Variants in SORCS1 observed in about 807,000 individuals in gnomAD.
SORCS1 encodes the protein sortilin related VPS10 domain containing receptor 1.
Under a neutral mutation model 146.1 loss-of-function variants are expected in SORCS1, and 60 were observed. That is an observed-to-expected ratio of 0.41 (90% CI 0.33 to 0.51). The LOEUF (loss-of-function observed/expected upper bound fraction) is 0.51, where lower values mean the gene tolerates loss of function less well. Ranked by LOEUF, SORCS1 falls within the 20% of genes least tolerant of loss-of-function variation. The pLI is 0.21. For synonymous variants in SORCS1, 637 were observed against 584.0 expected, an observed-to-expected ratio of 1.09 and a Z score of -1.31; for missense variants, 1,352 against 1,487.6, an observed-to-expected ratio of 0.91 and a Z score of 1.50.
intron 3 of SORCS1, among the ~76,000 whole-genome samples, chr10:106,822,916 G>C (rs1243246376): frequency 6.6e-6 from 1 of 150,982 alleles, no homozygotes; most frequent in Admixed American, 6.6e-5. Context: ...AAGTAGCTGG[G>C]ATTACAGGCA....
chr10:106,814,161 A>C (rs1356626951), intron 3 of SORCS1, among the ~76,000 whole-genome samples: 1 of 152,222 alleles, frequency 6.6e-6, no homozygotes, highest in African/African-American at 2.4e-5. Flanking sequence ...TGAAAGCATC[A>C]AGCTTATCCT....
At chr10:107,105,359 G>A (rs1965233843) in intron 1 of SORCS1, among the ~76,000 whole-genome samples, 1 of 152,198 alleles carries the variant, frequency 6.6e-6, no homozygotes, top group African/African-American at 2.4e-5. Flanking sequence ...TAATAGGATA[G>A]ATGTATATAT....
intron 2 of SORCS1, among the ~76,000 whole-genome samples, chr10:106,843,765 T>C (rs191015247): frequency 1.3e-3 from 201 of 152,320 alleles, no homozygotes; most frequent in Non-Finnish European, 2.5e-3. Context: ...TTGAATCATA[T>C]TCTACTGTAT....
chr10:106,967,193 G>T (rs1433681735), intron 1 of SORCS1, among the ~76,000 whole-genome samples: 1 of 151,038 alleles, frequency 6.6e-6, no homozygotes, highest in Non-Finnish European at 1.5e-5. Context: ...CACTTGTCTT[G>T]TTTCCTCCCC....
chr10:106,756,663 AGTTCTTATT>A (rs1858665432), intron 5 of SORCS1, among the ~76,000 whole-genome samples: 1 of 152,178 alleles, frequency 6.6e-6, no homozygotes, highest in Non-Finnish European at 1.5e-5. Flanking sequence ...CTTGGAGGAA[AGTTCTTATT>A]TATGGTTGCT....
chr10:106,578,771 T>C (rs1283853147), intron 25 of SORCS1: 1 of 1,152,282 alleles, frequency 8.7e-7, no homozygotes, highest in African/African-American at 1.6e-5. Context: ...GGCCTCTCCT[T>C]CTTATATACT....
chr10:107,084,742 C>G (rs995811809), intron 1 of SORCS1, among the ~76,000 whole-genome samples: 3 of 152,130 alleles, frequency 2.0e-5, no homozygotes, highest in Non-Finnish European at 4.4e-5. Context: ...TCTTAACTAA[C>G]TTCCTGACCC....
At chr10:106,904,292 G>A (rs190506006) in intron 2 of SORCS1, among the ~76,000 whole-genome samples, 6 of 152,232 alleles carry the variant, frequency 3.9e-5, no homozygotes, top group South Asian at 2.1e-4. Context: ...CTTTTACTTC[G>A]TGTTTTTTAT....
intron 3 of SORCS1, among the ~76,000 whole-genome samples, chr10:106,779,034 C>T (rs7078406): frequency 0.24 from 36,462 of 151,754 alleles, 4,740 homozygotes; most frequent in Non-Finnish European, 0.29. Flanking sequence ...ATATTGGGTG[C>T]GAGTGGCAGA....
At chr10:107,119,161 G>T (rs140782689) in intron 1 of SORCS1, among the ~76,000 whole-genome samples, 2,944 of 152,290 alleles carry the variant, frequency 0.019, 41 homozygotes, top group African/African-American at 0.035. Flanking sequence ...AAAGGAAAAG[G>T]CAAAATATCA....
At chr10:106,848,004 A>G (rs1949377515) in intron 2 of SORCS1, among the ~76,000 whole-genome samples, 1 of 144,616 alleles carries the variant, frequency 6.9e-6, no homozygotes, top group East Asian at 2.0e-4. Flanking sequence ...TTTACTTCCA[A>G]CTATGTGGTC....
chr10:106,702,295 A>T (rs1854194181), intron 8 of SORCS1, among the ~76,000 whole-genome samples: 1 of 152,220 alleles, frequency 6.6e-6, no homozygotes, highest in Non-Finnish European at 1.5e-5. Context: ...TTTGTCAGTA[A>T]GATGCAGCAT....
At chr10:106,961,320 A>G (rs1955212530) in intron 1 of SORCS1, among the ~76,000 whole-genome samples, 1 of 152,212 alleles carries the variant, frequency 6.6e-6, no homozygotes, top group Non-Finnish European at 1.5e-5. Flanking sequence ...TATTATTAAC[A>G]TAAAATATAA....
At chr10:106,626,078 T>C (rs1359651063) in intron 19 of SORCS1, among the ~76,000 whole-genome samples, 1 of 152,148 alleles carries the variant, frequency 6.6e-6, no homozygotes, top group Non-Finnish European at 1.5e-5. Flanking sequence ...TCAGATGACC[T>C]TTGCAAACCC....
At chr10:106,918,853 C>T (rs991253461) in intron 2 of SORCS1, among the ~76,000 whole-genome samples, 15 of 150,100 alleles carry the variant, frequency 1.0e-4, no homozygotes, top group Non-Finnish European at 1.8e-4. Context: ...ATTTTTTTTT[C>T]CTTGGGACAG....
chr10:106,664,329 G>A (rs545168218), intron 17 of SORCS1, among the ~76,000 whole-genome samples: 36 of 152,170 alleles, frequency 2.4e-4, no homozygotes, highest in Non-Finnish European at 4.9e-4. Flanking sequence ...TGTTTTATTT[G>A]ATGTTAGTCA....
chr10:106,880,197 G>C (rs576601220), intron 2 of SORCS1, among the ~76,000 whole-genome samples: 4 of 152,288 alleles, frequency 2.6e-5, no homozygotes, highest in Admixed American at 2.6e-4. Flanking sequence ...TTAGGTATGA[G>C]AGTTCCATTT....
intron 18 of SORCS1, among the ~76,000 whole-genome samples, chr10:106,637,555 A>C (rs1427548211): frequency 6.6e-6 from 1 of 152,208 alleles, no homozygotes. Context: ...CAGTGAACTT[A>C]GATGCTCTGA....
intron 2 of SORCS1, among the ~76,000 whole-genome samples, chr10:106,864,369 G>A (rs1030524773): frequency 3.9e-5 from 6 of 152,110 alleles, no homozygotes; most frequent in Admixed American, 1.3e-4. Context: ...CTTCTCCCGT[G>A]GATCTTTGCA....
Sources: gnomAD v4.1 joint callset for allele counts (sites outside exome capture counted in the v4.1 genomes callset) on GRCh38, gnomAD v4.1.1 for gene constraint, MANE v1.5 for transcripts, NCBI Gene and HGNC (gene_info 2026-07-23, HGNC 2026-07-21) for gene names.